ASB14: variants seen among roughly 807,000 people sequenced by gnomAD.
ASB14 encodes ankyrin repeat and SOCS box protein 14.
A neutral mutation model predicts 55.6 loss-of-function variants in ASB14; 63 were observed. That is an observed-to-expected ratio of 1.13 (90% CI 0.92 to 1.40). The LOEUF (loss-of-function observed/expected upper bound fraction) is 1.40. ASB14 is among the 40% of genes most tolerant of loss of function. The pLI is 0.00. For synonymous variants in ASB14, 256 were observed against 259.9 expected (o/e 0.98, Z 0.15); for missense variants, 724 against 710.4 (o/e 1.02, Z -0.22).
chr3:57,281,347 G>T (rs1019806819), intron 6 of ASB14, among the ~76,000 whole-genome samples: 2 of 152,024 alleles, frequency 1.3e-5, no homozygotes, highest in Admixed American at 6.5e-5. Context: ...TGTAAGGGGG[G>T]CTGGGGTTGT....
At chr3:57,284,198 C>A (rs1319629440) in intron 5 of ASB14, among the ~76,000 whole-genome samples, 1 of 151,504 alleles carries the variant, frequency 6.6e-6, no homozygotes, top group Non-Finnish European at 1.5e-5. Flanking sequence ...ACGATCATAG[C>A]TCCCTGCAGC....
intron 6 of ASB14, among the ~76,000 whole-genome samples, chr3:57,281,398 G>T (rs2061039281): frequency 6.6e-6 from 1 of 151,880 alleles, no homozygotes. Context: ...AAGAGTTTGG[G>T]TCAGTTGTGG....
intron 8 of ASB14, 143 bp downstream of exon 8, chr3:57,278,234 C>T: frequency 1.5e-6 from 1 of 649,062 alleles, no homozygotes; most frequent in Non-Finnish European, 2.5e-6. Flanking sequence ...TTTATTTTAT[C>T]ATAATTATTT....
At chr3:57,271,194 T>C (rs1015028693) in intron 10 of ASB14, 9 of 151,642 alleles carry the variant, frequency 5.9e-5, no homozygotes, top group Admixed American at 5.9e-4. Context: ...GGCATCTGTT[T>C]TAGGTCTCAA....
intron 7 of ASB14, 51 bp from the exon 8 acceptor site, chr3:57,278,971 C>T (rs1426746028): frequency 1.9e-5 from 29 of 1,553,612 alleles, no homozygotes; most frequent in Non-Finnish European, 2.3e-5. Flanking sequence ...AGATGTAGCA[C>T]TAACTTGTTT....
Position 57,272,301 on chromosome 3 carries a change from T to TATC in ASB14, c.*23-2686_*23-2684dup, listed in dbSNP as rs1383754999. ...CTTGCCAACCAGGGATTAAAGCTATTATCTTGAACAGAGTCCCTAAAGCTA... is the reference window on the plus strand; with the variant it reads ...CTTGCCAACCAGGGATTAAAGCTATTATCATCTTGAACAGAGTCCCTAAAGCTA... On this transcript the variant is annotated intron_variant, in intron 10 of 10. Coordinates refer to ENST00000487349, the MANE Select transcript of ASB14 (RefSeq NM_001142733.3). The TATC allele has an allele frequency of 8.5e-5, 13 of 152,322 alleles. 1 individual carries two copies. Among genetic ancestry groups the TATC allele is most frequent in the Admixed American group, 2.6e-4 (4 of 15,304 alleles). 9.4% of individuals were successfully genotyped at this position (152,322 alleles called of 1,614,324 possible).
intron 5 of ASB14, among the ~76,000 whole-genome samples, chr3:57,284,088 C>CTGTGTGTGTGTGTGTGTGTGTGTGTGTG (rs1181255575): frequency 1.4e-4 from 6 of 41,390 alleles, no homozygotes; most frequent in East Asian, 2.1e-3. Context: ...CTTGGGAACA[C>CTGTGTGTGTGTGTGTGTGTGTGTGTGTG]TGTGTATGTG....
Position 57,268,926 on chromosome 3 carries a change from A to G in ASB14, c.*715T>C, listed in dbSNP as rs186845115. ...CCAACAGAATAATTTTAAAAGACAA[A>G]TTTCAGAGCAAAACTTGAAGAATGC... On this transcript the variant is annotated 3_prime_UTR_variant, in exon 11 of 11. Coordinates refer to ENST00000487349, the MANE Select transcript of ASB14 (RefSeq NM_001142733.3). 6.5e-6 allele frequency: 1 copy of G among 152,804 alleles called. No homozygotes were observed. Among genetic ancestry groups the G allele is most frequent in the Admixed American group, 6.5e-5 (1 of 15,356 alleles). 9.5% of individuals were successfully genotyped at this position (152,804 alleles called of 1,614,324 possible).
Position 57,291,919 on chromosome 3 carries a change from C to G in ASB14, c.115G>C (p.Asp39His), listed in dbSNP as rs963412550. Reference sequence around the variant, plus strand: ...CGATGAGAAAACCATTACCTCTCATCCTTAGGTGCATGTTGTGCTGTTCCT... The same window carrying G: ...CGATGAGAAAACCATTACCTCTCATGCTTAGGTGCATGTTGTGCTGTTCCT... ...KPGTAQHAPK[D>H]ESLHSFLSAD... The change falls in exon 2 of 11, where the codon GAT becomes CAT. Residue 39 changes from aspartate to histidine, a missense_variant. Coordinates refer to ENST00000487349, the MANE Select transcript of ASB14 (RefSeq NM_001142733.3). 1 of 1,534,028 alleles carries G rather than the reference C, an allele frequency of 6.5e-7. No individual in the cohort carries two copies. Among genetic ancestry groups the G allele is most frequent in the Non-Finnish European group, 8.7e-7 (1 of 1,144,154 alleles).
chr3:57,279,272 T>TA (rs1559521463), intron 7 of ASB14, among the ~76,000 whole-genome samples: 1 of 132,666 alleles, frequency 7.5e-6, no homozygotes, highest in Non-Finnish European at 1.6e-5. Context: ...TTCTTTTTTT[T>TA]TTTTTTTTTT....
chr3:57,275,790 G>A (rs556622305), intron 10 of ASB14, among the ~76,000 whole-genome samples: 17 of 152,192 alleles, frequency 1.1e-4, no homozygotes, highest in African/African-American at 3.4e-4. Context: ...TGTTGCTCCC[G>A]GGCTACAAGC....
Position 57,268,492 on chromosome 3 carries a change from A to G in ASB14, c.*1149T>C, listed in dbSNP as rs746468995. The G allele has an allele frequency of 3.7e-6, 6 of 1,601,228 alleles. No homozygotes were observed. In the Admixed American group the frequency reaches 7.1e-5, roughly 19 times the overall value. On this transcript the variant is annotated 3_prime_UTR_variant, in exon 11 of 11. Coordinates refer to ENST00000487349, the MANE Select transcript of ASB14 (RefSeq NM_001142733.3). ...AAACAAAAACAGATTGAAAAGGTAT[A>G]CAGTCCTAATGTCTGGATCTTTATG...
rs866394561 is a variant in ASB14, at chr3:57,282,486, G to T, written c.715+708C>A. Among the ~76,000 whole-genome samples the T allele has an allele frequency of 4.6e-5, 7 of 152,196 alleles. No individual in the cohort carries two copies. The South Asian group carries it at 1.2e-3, about 27-fold the overall frequency. The stretch of plus-strand genomic sequence containing the variant: ...AAAGGCCAAAGTTCTCTGAGCCAAG[G>T]GTCCCTGCTAGTTAAGCCAGGATTC... On this transcript the variant is annotated intron_variant, in intron 6 of 10. Transcript: ENST00000487349.
chr3:57,290,327 T>C (rs978995793), intron 2 of ASB14, among the ~76,000 whole-genome samples: 2 of 152,176 alleles, frequency 1.3e-5, no homozygotes, highest in Non-Finnish European at 2.9e-5. Flanking sequence ...GCCTCCATCT[T>C]CAAAGCCAGC....
intron 5 of ASB14, among the ~76,000 whole-genome samples, chr3:57,285,089 T>C (rs995013902): frequency 2.6e-5 from 4 of 151,830 alleles, no homozygotes; most frequent in Admixed American, 1.3e-4. Flanking sequence ...TACAGGTGCC[T>C]GCCACCAAGC....
chr3:57,291,428 T>C (rs1273476416), intron 2 of ASB14, among the ~76,000 whole-genome samples: 1 of 152,182 alleles, frequency 6.6e-6, no homozygotes, highest in Non-Finnish European at 1.5e-5. Context: ...TTTTTCAGTG[T>C]TGTCCAACAA....
rs2061041463 is a variant in ASB14, at chr3:57,281,634, A to G, written c.716-1161T>C. Reference sequence around the variant, plus strand: ...TGAGTGCCCACTATGTGCTGGTTCCATTATGTGTATAATAATTTTTAAACT... The same window carrying G: ...TGAGTGCCCACTATGTGCTGGTTCCGTTATGTGTATAATAATTTTTAAACT... On this transcript the variant is annotated intron_variant, in intron 6 of 10. Coordinates refer to ENST00000487349, the MANE Select transcript of ASB14 (RefSeq NM_001142733.3). 2.0e-5 allele frequency among the ~76,000 whole-genome samples: 3 copies of G among 152,196 alleles called. No homozygotes were observed. In the South Asian group the frequency reaches 6.2e-4, roughly 32 times the overall value.
chr3:57,273,711 C>T (rs2060964275), intron 10 of ASB14, among the ~76,000 whole-genome samples: 1 of 152,140 alleles, frequency 6.6e-6, no homozygotes, highest in Non-Finnish European at 1.5e-5. Context: ...TTGACGTATA[C>T]TTGCTACTGT....
Position 57,289,893 on chromosome 3 carries a change from C to T in ASB14, c.123-770G>A, listed in dbSNP as rs531902259. The stretch of plus-strand genomic sequence containing the variant: ...CGATCTCCTGACCTCGTGATCTGCT[C>T]GCCTCGGCCTCCCAAAGTGCGGGGA... On this transcript the variant is annotated intron_variant, in intron 2 of 10. Transcript: ENST00000487349. Among the ~76,000 whole-genome samples, 9 of 151,936 alleles carry T rather than the reference C, an allele frequency of 5.9e-5. No homozygotes were observed. The East Asian group carries it at 1.2e-3, about 20-fold the overall frequency.
Sources: gnomAD v4.1 joint callset for allele counts (sites outside exome capture counted in the v4.1 genomes callset) on GRCh38, gnomAD v4.1.1 for gene constraint, MANE v1.5 for transcripts, NCBI Gene and HGNC (gene_info 2026-07-23, HGNC 2026-07-21) for gene names.